Variants in NOX4 observed in about 807,000 individuals in gnomAD.
NOX4 encodes the protein NADPH oxidase 4.
In NOX4, 69 loss-of-function variants were observed where a neutral mutation model predicts 87.6. The ratio of observed to expected loss-of-function variants is 0.79; its 90% CI spans 0.65 to 0.96. NOX4 has a LOEUF of 0.96. NOX4 is among the 40% of genes least tolerant of loss of function. The pLI is 0.00. For synonymous variants in NOX4, 275 were observed against 238.2 expected (o/e 1.15, Z -1.42); for missense variants, 680 against 681.5 (o/e 1.00, Z 0.02).
At chr11:89,581,519 T>C in the NOX4 span, among the ~76,000 whole-genome samples, 3 of 152,178 alleles carry the variant, frequency 2.0e-5, no homozygotes, top group Non-Finnish European at 2.9e-5. Context: ...CTTAGAAATA[T>C]TGGTTTGAAA....
chr11:89,449,290 T>C (rs983925551), intron 4 of NOX4, 150 bp downstream of exon 4: 9 of 576,174 alleles, frequency 1.6e-5, no homozygotes, highest in Non-Finnish European at 2.5e-5. Flanking sequence ...TTAATATATC[T>C]GCAGGCAATT....
chr11:89,563,212 G>A, the NOX4 span, among the ~76,000 whole-genome samples: 3 of 152,152 alleles, frequency 2.0e-5, no homozygotes, highest in South Asian at 2.1e-4. Flanking sequence ...GAGGCCCTAT[G>A]TTTCATTTTC....
the NOX4 span, among the ~76,000 whole-genome samples, chr11:89,574,223 A>G: frequency 9.2e-5 from 14 of 152,226 alleles, no homozygotes; most frequent in African/African-American, 3.4e-4. Context: ...CTGTCTAACT[A>G]CCTGTAACAG....
At chr11:89,532,545 T>C in the NOX4 span, among the ~76,000 whole-genome samples, 1 of 152,088 alleles carries the variant, frequency 6.6e-6, no homozygotes, top group African/African-American at 2.4e-5. Flanking sequence ...ATTTTACAGG[T>C]TCATAGGCAG....
At chr11:89,565,520 A>G in the NOX4 span, among the ~76,000 whole-genome samples, 1 of 152,082 alleles carries the variant, frequency 6.6e-6, no homozygotes, top group Non-Finnish European at 1.5e-5. Context: ...GTACAGTATA[A>G]TTTGAAAGGG....
chr11:89,588,364 C>G, the NOX4 span, among the ~76,000 whole-genome samples: 1 of 152,042 alleles, frequency 6.6e-6, no homozygotes, highest in Non-Finnish European at 1.5e-5. Flanking sequence ...TAACAAAAAA[C>G]AGAAGCATCG....
chr11:89,418,666 T>C (rs1284070946), intron 8 of NOX4, among the ~76,000 whole-genome samples: 3 of 151,924 alleles, frequency 2.0e-5, no homozygotes, highest in South Asian at 2.1e-4. Context: ...GACTTTTAAA[T>C]AGCTAGACAG....
At chr11:89,387,095 G>A (rs1031202915) in intron 11 of NOX4, among the ~76,000 whole-genome samples, 17 of 151,866 alleles carry the variant, frequency 1.1e-4, no homozygotes, top group East Asian at 3.9e-4. Context: ...GAGAAACATC[G>A]CCGATTATCT....
rs879734185 is a variant in NOX4 at position 89,358,760 on chromosome 11, T to TA, written c.1136-3718dup. 7.4e-3 allele frequency among the ~76,000 whole-genome samples: 1,031 copies of TA among 139,832 alleles called. 11 individuals are homozygous for TA. Among genetic ancestry groups the TA allele is most frequent in the African/African-American group, 0.021 (820 of 38,380 alleles). 91.7% of individuals were successfully genotyped at this position (139,832 alleles called of 152,430 possible). A position where few individuals can be genotyped will look rare whatever the true frequency, so the allele number is the denominator to read the frequency against. On this transcript the variant is annotated intron_variant, in intron 12 of 17. Coordinates refer to ENST00000263317, the MANE Select transcript of NOX4 (RefSeq NM_016931.5). ...ATAATTTGATGTTTTATTTGTTAAG[T>TA]AAAAAAAAAAAAAGATATATTAATG...
Position 89,326,241 on chromosome 11 carries a change from A to G in NOX4, c.*515T>C, listed in dbSNP as rs1734605367. ...TTAGATATTGACACAAAGTACCCGT[A>G]TCAATACAGAGTCTTGTGCTGTGTT... On this transcript the variant is annotated 3_prime_UTR_variant, in exon 18 of 18. Coordinates refer to ENST00000263317, the MANE Select transcript of NOX4 (RefSeq NM_016931.5). The G allele has an allele frequency of 6.6e-6, 1 of 152,214 alleles. No individual in the cohort carries two copies. Among genetic ancestry groups the G allele is most frequent in the African/African-American group, 2.4e-5 (1 of 41,446 alleles). The allele number at this position is 152,214 out of a possible 1,614,324, so 9.4% of individuals were successfully genotyped here.
At chr11:89,394,236 AG>A (rs1371070806) in intron 11 of NOX4, among the ~76,000 whole-genome samples, 2 of 152,150 alleles carry the variant, frequency 1.3e-5, no homozygotes, top group Admixed American at 6.6e-5. Context: ...AAAGTAAAAA[AG>A]TTTTCAGTGA....
intron 17 of NOX4, among the ~76,000 whole-genome samples, chr11:89,332,136 G>A (rs952044453): frequency 1.2e-4 from 18 of 151,836 alleles, no homozygotes; most frequent in African/African-American, 3.6e-4. Flanking sequence ...ATTTGTAAAC[G>A]CAGGATCTTA....
chr11:89,551,890 C>T, the NOX4 span, among the ~76,000 whole-genome samples: 1 of 151,894 alleles, frequency 6.6e-6, no homozygotes, highest in Non-Finnish European at 1.5e-5. Context: ...AGGAATGCTT[C>T]CAGCTTTTGC....
At chr11:89,422,992 G>T (rs1017572884) in intron 7 of NOX4, among the ~76,000 whole-genome samples, 2 of 151,812 alleles carry the variant, frequency 1.3e-5, no homozygotes, top group Non-Finnish European at 2.9e-5. Context: ...TAGAGATGGG[G>T]TTTCACCATG....
chr11:89,506,885 TC>T, the NOX4 span, among the ~76,000 whole-genome samples: 253 of 151,974 alleles, frequency 1.7e-3, no homozygotes, highest in African/African-American at 5.8e-3. Context: ...TACATACCTA[TC>T]AGAATGGCTA....
the NOX4 span, among the ~76,000 whole-genome samples, chr11:89,515,924 A>C: frequency 6.6e-6 from 1 of 152,092 alleles, no homozygotes; most frequent in Non-Finnish European, 1.5e-5. Context: ...TTATTGCATT[A>C]ACTACATCTT....
At chr11:89,568,497 A>C in the NOX4 span, among the ~76,000 whole-genome samples, 1 of 152,204 alleles carries the variant, frequency 6.6e-6, no homozygotes, top group Non-Finnish European at 1.5e-5. Flanking sequence ...GATCTCTACA[A>C]TAAGAATTAT....
Position 89,400,315 on chromosome 11 carries a change from C to A in NOX4, c.911G>T (p.Arg304Leu), listed in dbSNP as rs558543079. The stretch of plus-strand genomic sequence containing the variant: ...AATGATGGTGACTGGCTTATTGCTC[C>A]GGATATACCTGTAAAGTCTTTCGGC... ...YCAERLYRYI[R>L]SNKPVTIISV... is the part of the protein sequence containing the mutation. The change falls in exon 10 of 18, where the codon CGG (arginine) becomes CTG (leucine). Residue 304 changes from arginine to leucine, a missense_variant. Transcript: ENST00000263317. 1 of 1,612,740 alleles carries A rather than the reference C, an allele frequency of 6.2e-7. No homozygotes were observed. The highest frequency in any genetic ancestry group is 1.3e-5 in the African/African-American group (1 of 74,828).
the NOX4 span, among the ~76,000 whole-genome samples, chr11:89,516,403 G>T: frequency 6.6e-6 from 1 of 151,972 alleles, no homozygotes. Context: ...CACTGTCAAG[G>T]TATACTATCA....
Sources: gnomAD v4.1 joint callset for allele counts (sites outside exome capture counted in the v4.1 genomes callset) on GRCh38, gnomAD v4.1.1 for gene constraint, MANE v1.5 for transcripts, NCBI Gene and HGNC (gene_info 2026-07-23, HGNC 2026-07-21) for gene names.